Variants in EFCAB13 observed in about 807,000 individuals in gnomAD.
EFCAB13 encodes the protein EF-hand calcium binding domain 13, also known as EF-hand calcium-binding domain-containing protein 13.
In EFCAB13, 91 loss-of-function variants were observed where a neutral mutation model predicts 110.2. That is an observed-to-expected ratio of 0.83 (90% CI 0.70 to 0.98). The LOEUF is 0.98. EFCAB13 is among the 50% of genes least tolerant of loss of function. EFCAB13 has a pLI of 0.00. For missense variants in EFCAB13, 968 were observed against 1,119.4 expected (o/e 0.86, Z 1.93); for synonymous variants, 323 against 369.9 (o/e 0.87, Z 1.45).
At chr17:47,397,584 C>G (rs1231381974) in intron 17 of EFCAB13, among the ~76,000 whole-genome samples, 1 of 151,070 alleles carries the variant, frequency 6.6e-6, no homozygotes, top group Middle Eastern at 3.2e-3. Flanking sequence ...TCTTCCCGGC[C>G]GCCATCCTAT....
intron 24 of EFCAB13, 151 bp downstream of exon 24, chr17:47,430,112 C>T: frequency 7.7e-7 from 1 of 1,295,830 alleles, no homozygotes; most frequent in Non-Finnish European, 9.8e-7. Context: ...ACAGGTGTGC[C>T]AACCCTGAGC....
chr17:47,394,114 C>T lies in EFCAB13; in HGVS notation c.1801+15C>T, dbSNP rs753263604. On this transcript the variant is annotated intron_variant, in intron 16 of 24. Coordinates refer to ENST00000331493, the MANE Select transcript of EFCAB13 (RefSeq NM_152347.5). The stretch of plus-strand genomic sequence containing the variant: ...TGAAAAATTAGGTACGTAAGAATAT[C>T]ATGTCTTCTGCTTTTTGTGGACCAA... 14 of 1,470,932 alleles carry T rather than the reference C, an allele frequency of 9.5e-6. No individual in the cohort carries two copies. The highest frequency in any genetic ancestry group is 9.1e-6 in the Non-Finnish European group (10 of 1,100,072). The allele number at this position is 1,470,932 out of a possible 1,614,324, so 91.1% of individuals were successfully genotyped here.
chr17:47,420,301 C>G (rs1471664181), intron 23 of EFCAB13, among the ~76,000 whole-genome samples: 2 of 152,222 alleles, frequency 1.3e-5, no homozygotes, highest in African/African-American at 4.8e-5. Context: ...TCGCTACAAC[C>G]TCCACCTCCC....
chr17:47,341,088 G>A (rs77959683), intron 5 of EFCAB13, among the ~76,000 whole-genome samples: 6,186 of 151,944 alleles, frequency 0.041, 292 homozygotes, highest in East Asian at 0.24. Flanking sequence ...TCCTACAACC[G>A]TGGTGATACA....
chr17:47,347,049 A>G (rs1377317223), intron 8 of EFCAB13, among the ~76,000 whole-genome samples: 2 of 152,200 alleles, frequency 1.3e-5, no homozygotes, highest in African/African-American at 4.8e-5. Flanking sequence ...ATTTGAGACT[A>G]GGAGTTCAAG....
intron 8 of EFCAB13, 65 bp from the exon 9 acceptor site, chr17:47,347,743 T>G (rs1036202895): frequency 4.1e-6 from 5 of 1,221,414 alleles, no homozygotes; most frequent in African/African-American, 3.1e-5. Context: ...TTTTTGAGAG[T>G]GGGGGGAATA....
chr17:47,420,078 C>T (rs1175983621), intron 23 of EFCAB13, among the ~76,000 whole-genome samples: 2 of 152,176 alleles, frequency 1.3e-5, no homozygotes, highest in African/African-American at 4.8e-5. Flanking sequence ...CTGCCAAGTG[C>T]CTGCAATTGC....
intron 14 of EFCAB13, among the ~76,000 whole-genome samples, chr17:47,380,879 TC>T (rs2065643581): frequency 6.8e-6 from 1 of 146,192 alleles, no homozygotes; most frequent in South Asian, 2.2e-4. Context: ...AATTGCTTCT[TC>T]TTTTTTTTTT....
Position 47,377,908 on chromosome 17 carries a change from G to A in EFCAB13, c.1510+5G>A. 6.3e-7 allele frequency: 1 copy of A among 1,576,296 alleles called. No individual in the cohort carries two copies. The highest frequency in any genetic ancestry group is 8.5e-7 in the Non-Finnish European group (1 of 1,169,812). On this transcript the variant is annotated splice_donor_5th_base_variant and intron_variant, in intron 13 of 24. Transcript: ENST00000331493. The stretch of plus-strand genomic sequence containing the variant: ...TGACAGACACTAGTAGAAATGGTGA[G>A]AGACTGATAACACTGAAGTTTCTGA...
chr17:47,357,716 C>T (rs1481398773), intron 9 of EFCAB13, among the ~76,000 whole-genome samples: 3 of 152,108 alleles, frequency 2.0e-5, no homozygotes, highest in African/African-American at 7.2e-5. Flanking sequence ...TGCCCTGCTA[C>T]AAAACATAAA....
chr17:47,381,502 T>C (rs762673885), intron 14 of EFCAB13, among the ~76,000 whole-genome samples: 2 of 152,244 alleles, frequency 1.3e-5, no homozygotes, highest in African/African-American at 2.4e-5. Context: ...CATTTAAGTA[T>C]TTAATCCATC....
intron 10 of EFCAB13, among the ~76,000 whole-genome samples, chr17:47,363,855 T>C (rs1668841305): frequency 6.6e-6 from 1 of 152,280 alleles, no homozygotes. Flanking sequence ...CACATGGAGT[T>C]CTCTTAGGAA....
At chr17:47,327,706 C>T (rs753788652) in intron 3 of EFCAB13, among the ~76,000 whole-genome samples, 1 of 152,106 alleles carries the variant, frequency 6.6e-6, no homozygotes, top group Non-Finnish European at 1.5e-5. Context: ...CCGCCCACCT[C>T]GGCCTCCCAT....
intron 10 of EFCAB13, among the ~76,000 whole-genome samples, chr17:47,361,762 A>T (rs545149995): frequency 3.9e-5 from 6 of 152,316 alleles, no homozygotes; most frequent in East Asian, 1.9e-4. Flanking sequence ...AATGAATTTT[A>T]AAAAATTCAG....
chr17:47,409,494 G>A, intron 20 of EFCAB13, 153 bp from the exon 21 acceptor site: 1 of 625,178 alleles, frequency 1.6e-6, no homozygotes, highest in Non-Finnish European at 2.9e-6. Flanking sequence ...TATTTTGGGA[G>A]CCAGGGAACA....
chr17:47,352,628 T>C (rs2065459705), intron 9 of EFCAB13, among the ~76,000 whole-genome samples: 1 of 152,208 alleles, frequency 6.6e-6, no homozygotes, highest in South Asian at 2.1e-4. Flanking sequence ...AAAAATGACA[T>C]TGGTATTTTG....
intron 10 of EFCAB13, among the ~76,000 whole-genome samples, chr17:47,366,475 A>G (rs555082553): frequency 6.6e-6 from 1 of 152,312 alleles, no homozygotes; most frequent in African/African-American, 2.4e-5. Flanking sequence ...CCTTCAGAGT[A>G]ACGTTGCCTT....
At position 47,395,951 on chromosome 17, in the gene EFCAB13, C is replaced by G; in HGVS notation, c.1919C>G (p.Ala640Gly). Reference sequence around the variant, plus strand: ...AATTTAAAAAAGGATGAATTTCTAGCTGCATTGGAACTAGTGACAGTTGAT... The same window carrying G: ...AATTTAAAAAAGGATGAATTTCTAGGTGCATTGGAACTAGTGACAGTTGAT... Reference protein sequence around the residue: ...NSNLKKDEFLAALELVTVDEG... With the variant: ...NSNLKKDEFLGALELVTVDEG... Residue 640 changes from alanine (A) to glycine (G), a missense_variant, in exon 17 of 25, where the codon GCT becomes GGT. Ala to Gly is a moderately conservative substitution (Grantham distance 60, BLOSUM62 0). Coordinates refer to ENST00000331493, the MANE Select transcript of EFCAB13 (RefSeq NM_152347.5). The G allele has an allele frequency of 6.2e-7, 1 of 1,608,158 alleles. No individual in the cohort carries two copies. Among genetic ancestry groups the G allele is most frequent in the Non-Finnish European group, 8.5e-7 (1 of 1,176,126 alleles).
intron 7 of EFCAB13, 74 bp downstream of exon 7, chr17:47,344,366 C>T (rs1894728220): frequency 6.7e-7 from 1 of 1,499,564 alleles, no homozygotes; most frequent in Non-Finnish European, 9.1e-7. Context: ...AATCATTTAT[C>T]CCTTCCACAT....
Sources: gnomAD v4.1 joint callset for allele counts (sites outside exome capture counted in the v4.1 genomes callset) on GRCh38, gnomAD v4.1.1 for gene constraint, MANE v1.5 for transcripts, NCBI Gene and HGNC (gene_info 2026-07-23, HGNC 2026-07-21) for gene names.